Variants in MELTF observed in about 807,000 individuals in gnomAD.
The protein encoded by MELTF is melanotransferrin, also known as antigen p97 (melanoma associated) identified by monoclonal antibodies 133.2 and 96.5.
Under a neutral mutation model 83.7 loss-of-function variants are expected in MELTF, and 67 were observed. The observed-to-expected ratio is 0.80, with a 90% CI of 0.66 to 0.98. The LOEUF is 0.98. Ranked by LOEUF, MELTF falls within the 50% of genes least tolerant of loss-of-function variation. MELTF has a pLI of 0.00. For synonymous variants in MELTF, 462 were observed against 447.6 expected (o/e 1.03, Z -0.41); for missense variants, 1,002 against 1,035.6 (o/e 0.97, Z 0.44).
Position 197,024,522 on chromosome 3 carries a change from G to A in MELTF, c.305-37C>T. 6.6e-7 allele frequency: 1 copy of A among 1,525,140 alleles called. No individual in the cohort carries two copies. Among genetic ancestry groups the A allele is most frequent in the Non-Finnish European group, 8.9e-7 (1 of 1,127,696 alleles). The allele number at this position is 1,525,140 out of a possible 1,614,324, so 94.5% of individuals were successfully genotyped here. On this transcript the variant is annotated intron_variant, in intron 3 of 15. Coordinates refer to ENST00000296350, the MANE Select transcript of MELTF (RefSeq NM_005929.6). The surrounding 1 kb of genome is among the most constrained non-coding windows in gnomAD (Gnocchi z 5.3). Reference sequence around the variant, plus strand: ...GGGGAGTGGGTGAGGGCAGCAGGGAGAGGCCTCGAGAGAGGCTGCACCAGC... The same window carrying A: ...GGGGAGTGGGTGAGGGCAGCAGGGAAAGGCCTCGAGAGAGGCTGCACCAGC...
Position 197,024,320 on chromosome 3 carries a change from C to A in MELTF, c.470G>T (p.Gly157Val). The A allele has an allele frequency of 6.3e-7, 1 of 1,579,266 alleles. No homozygotes were observed. The highest frequency in any genetic ancestry group is 8.6e-7 in the Non-Finnish European group (1 of 1,158,428). The change falls in exon 4 of 16, where the codon GGC becomes GTC. Residue 157 changes from glycine (G) to valine (V), a missense_variant. Gly to Val is a moderately radical substitution (Grantham distance 109, BLOSUM62 -3). Transcript: ENST00000296350. This position sits in a 1 kb window ranked among gnomAD's most constrained non-coding sequence, Gnocchi z 5.3. ...GCCCTCACCTTTGAGTACATCGCAG[C>A]CCATCACCGAGAGGCGGCCGCTCTC... ...LVESGRLSVM[G>V]CDVLKAVSDY...
rs1290519805 is a variant in MELTF, at chr3:197,008,204, G to A, written c.1750+453C>T. ...ACCCCCTGTGTGGTATGTTGGGCGTGCCCTGCCTCGGTGTGGCTTGGGGGC... is the reference window on the plus strand; with the variant it reads ...ACCCCCTGTGTGGTATGTTGGGCGTACCCTGCCTCGGTGTGGCTTGGGGGC... On this transcript the variant is annotated intron_variant, in intron 13 of 15. Coordinates refer to ENST00000296350, the MANE Select transcript of MELTF (RefSeq NM_005929.6). The surrounding 1 kb of genome is among the most constrained non-coding windows in gnomAD (Gnocchi z 5.4). 6.6e-6 allele frequency among the ~76,000 whole-genome samples: 1 copy of A among 152,186 alleles called. No homozygotes were observed. The highest frequency in any genetic ancestry group is 1.5e-5 in the Non-Finnish European group (1 of 68,030).
rs1421204846 is a variant in MELTF at position 197,017,168 on chromosome 3, G to A, written c.835C>T (p.His279Tyr). The A allele has an allele frequency of 1.2e-6, 2 of 1,610,802 alleles. No individual in the cohort carries two copies. Among genetic ancestry groups the A allele is most frequent in the African/African-American group, 1.3e-5 (1 of 74,928 alleles). The part of the protein sequence containing the change: ...RQCHLARVPA[H>Y]AVVVRADTDG... ...GTGTCGGCCCGGACCACCACGGCGT[G>A]AGCAGGCACCCGGGCCAGATGGCAC... is the stretch of plus-strand genomic sequence containing the variant. The change falls in exon 7 of 16, where the codon CAC becomes TAC. Residue 279 changes from histidine to tyrosine, a missense_variant. Transcript: ENST00000296350.
In MELTF at chr3:197,003,321, C is replaced by T. The variant is rs556694856; in HGVS notation, c.*51G>A. On this transcript the variant is annotated 3_prime_UTR_variant, in exon 16 of 16. Coordinates refer to ENST00000296350, the MANE Select transcript of MELTF (RefSeq NM_005929.6). This position sits in a 1 kb window ranked among gnomAD's most constrained non-coding sequence, Gnocchi z 6.2. ...CTTCTGGATTCCAGCGCGAAGCCGCCGCGGAAACTCCCCGGGCGGGCATCG... is the reference window on the plus strand; with the variant it reads ...CTTCTGGATTCCAGCGCGAAGCCGCTGCGGAAACTCCCCGGGCGGGCATCG... 1.3e-5 allele frequency: 14 copies of T among 1,050,240 alleles called. No homozygotes were observed. The South Asian group carries it at 4.4e-4, about 33-fold the overall frequency. 65.1% of individuals were successfully genotyped at this position (1,050,240 alleles called of 1,614,324 possible). A position where few individuals can be genotyped will look rare whatever the true frequency, so the allele number is the denominator to read the frequency against.
rs1336281444 is a variant in MELTF at position 197,003,246 on chromosome 3, C to G, written c.*126G>C. ...TGGCGCCCGTGGGCGGCGGGGCTCC[C>G]GGGGAGGCGCCTGCTCCCGCCCACG... On this transcript the variant is annotated 3_prime_UTR_variant, in exon 16 of 16. Coordinates refer to ENST00000296350, the MANE Select transcript of MELTF (RefSeq NM_005929.6). This position sits in a 1 kb window ranked among gnomAD's most constrained non-coding sequence, Gnocchi z 6.2. The G allele has an allele frequency of 4.0e-6, 4 of 995,356 alleles. No individual in the cohort carries two copies. The highest frequency in any genetic ancestry group is 4.8e-6 in the Non-Finnish European group (4 of 831,924). The allele number at this position is 995,356 out of a possible 1,614,324, so 61.7% of individuals were successfully genotyped here.
intron 6 of MELTF, among the ~76,000 whole-genome samples, chr3:197,017,550 A>AT (rs1719431504): frequency 6.6e-6 from 1 of 152,254 alleles, no homozygotes; most frequent in Non-Finnish European, 1.5e-5. Flanking sequence ...TACAATACTT[A>AT]TAAATAACTA....
At chr3:197,005,117 G>T (rs957702951) in intron 14 of MELTF, among the ~76,000 whole-genome samples, 3 of 152,210 alleles carry the variant, frequency 2.0e-5, no homozygotes, top group Non-Finnish European at 2.9e-5. Context: ...GCATAAGTCG[G>T]GGGAGGGGGA....
chr3:197,023,387 C>T (rs747803264), intron 4 of MELTF, among the ~76,000 whole-genome samples: 1 of 152,230 alleles, frequency 6.6e-6, no homozygotes, highest in Non-Finnish European at 1.5e-5. Context: ...TGGGATAACT[C>T]AGTATCAGCC....
Position 197,003,747 on chromosome 3 carries a change from CTGG to C in MELTF, c.2137+151_2137+153del. The C allele has an allele frequency of 1.2e-6, 1 of 856,600 alleles. No individual in the cohort carries two copies. The highest frequency in any genetic ancestry group is 1.7e-5 in the South Asian group (1 of 57,646). The allele number at this position is 856,600 out of a possible 1,614,324, so 53.1% of individuals were successfully genotyped here. ...TCCCGCCCTCCCGGCCCGCAGCCTCCTGGCCAAAATCCTCCCGGGACACCCCAC... is the reference window on the plus strand; with the variant it reads ...TCCCGCCCTCCCGGCCCGCAGCCTCCCCAAAATCCTCCCGGGACACCCCAC... On this transcript the variant is annotated intron_variant, in intron 15 of 15. Transcript: ENST00000296350. The surrounding 1 kb of genome is among the most constrained non-coding windows in gnomAD (Gnocchi z 6.2).
intron 6 of MELTF, among the ~76,000 whole-genome samples, chr3:197,020,681 T>C (rs757335938): frequency 4.1e-4 from 63 of 152,046 alleles, no homozygotes; most frequent in Non-Finnish European, 8.1e-4. Context: ...TTTTTGTTGT[T>C]GTTTTTTAGA....
At chr3:197,023,159 A>T in intron 4 of MELTF, 46 bp from the exon 5 acceptor site, 1 of 1,600,180 alleles carries the variant, frequency 6.2e-7, no homozygotes, top group Non-Finnish European at 8.5e-7. Flanking sequence ...CTTTCTTCAG[A>T]GCCAAGCCAA....
intron 11 of MELTF, 69 bp from the exon 12 acceptor site, chr3:197,009,034 G>T: frequency 6.3e-7 from 1 of 1,576,330 alleles, no homozygotes; most frequent in Non-Finnish European, 8.7e-7. Flanking sequence ...TGGGCGGGCC[G>T]CTCCCCCACA....
Position 197,008,918 on chromosome 3 carries a change from T to A in MELTF, c.1573A>T (p.Lys525Ter). The A allele has an allele frequency of 6.2e-7, 1 of 1,614,040 alleles. No homozygotes were observed. The change falls in exon 12 of 16, where the codon AAG (lysine) becomes TAG (stop). Residue 525 changes from lysine (K) to a stop codon, truncating the protein, a stop_gained. Transcript: ENST00000296350. LOFTEE classifies it high-confidence loss of function. The surrounding 1 kb of genome is among the most constrained non-coding windows in gnomAD (Gnocchi z 5.4). ...GCACACAGCGAGGAGGGGTAGTTCTTGGGGTTGTTCACGGGCACGCAGCTG... is the reference window on the plus strand; with the variant it reads ...GCACACAGCGAGGAGGGGTAGTTCTAGGGGTTGTTCACGGGCACGCAGCTG... ...NASCVPVNNP[K>*]NYPSSLCALC... is the part of the protein sequence containing the mutation.
At position 197,007,950 on chromosome 3, in the gene MELTF, G is replaced by A. The variant is rs897676166; in HGVS notation, c.1750+707C>T. On this transcript the variant is annotated intron_variant, in intron 13 of 15. Transcript: ENST00000296350. This position sits in a 1 kb window ranked among gnomAD's most constrained non-coding sequence, Gnocchi z 4.3. ...AGCATTTGGGGTTTCAAAGCCTGGG[G>A]TGTAGGCAGGGTATGCAGACAGTAC... Among the ~76,000 whole-genome samples, 1 of 152,226 alleles carries A rather than the reference G, an allele frequency of 6.6e-6. No homozygotes were observed. The highest frequency in any genetic ancestry group is 2.4e-5 in the African/African-American group (1 of 41,452).
In MELTF at chr3:197,024,276, C is replaced by T. The variant is rs369636079; in HGVS notation, c.487+27G>A. ...AGGAAAGGAGGGGGAGGCCTGGGGA[C>T]CCTCCTGCCCAGCCCAAAGCCCTCA... is the stretch of plus-strand genomic sequence containing the variant. On this transcript the variant is annotated intron_variant, in intron 4 of 15. Coordinates refer to ENST00000296350, the MANE Select transcript of MELTF (RefSeq NM_005929.6). The surrounding 1 kb of genome is among the most constrained non-coding windows in gnomAD (Gnocchi z 5.3). 2 of 1,525,126 alleles carry T rather than the reference C, an allele frequency of 1.3e-6. No individual in the cohort carries two copies. The highest frequency in any genetic ancestry group is 1.8e-6 in the Non-Finnish European group (2 of 1,134,638). The allele number at this position is 1,525,126 out of a possible 1,614,324, so 94.5% of individuals were successfully genotyped here.
chr3:197,020,804 G>T (rs1286229724), intron 6 of MELTF, among the ~76,000 whole-genome samples: 1 of 152,010 alleles, frequency 6.6e-6, no homozygotes, highest in African/African-American at 2.4e-5. Flanking sequence ...AAGTAGCTGG[G>T]ATTTGAGGCA....
rs2108948475 is a variant in MELTF at position 197,003,261 on chromosome 3, T to C, written c.*111A>G. ...GCGGGGCTCCCGGGGAGGCGCCTGC[T>C]CCCGCCCACGCCGGGCCCGGCCTTC... On this transcript the variant is annotated 3_prime_UTR_variant, in exon 16 of 16. Transcript: ENST00000296350. The surrounding 1 kb of genome is among the most constrained non-coding windows in gnomAD (Gnocchi z 6.2). 1 of 1,004,714 alleles carries C rather than the reference T, an allele frequency of 1.0e-6. No individual in the cohort carries two copies. The highest frequency in any genetic ancestry group is 4.8e-4 in the Middle Eastern group (1 of 2,064). 62.2% of individuals were successfully genotyped at this position (1,004,714 alleles called of 1,614,324 possible).
At chr3:197,028,074 G>T (rs967075002) in intron 1 of MELTF, 164 bp from the exon 2 acceptor site, 2 of 761,482 alleles carry the variant, frequency 2.6e-6, no homozygotes, top group African/African-American at 1.7e-5. Context: ...AGAGACAGGG[G>T]AAGGGCTGGT....
chr3:197,012,880 A>G (rs1332590390), intron 9 of MELTF, among the ~76,000 whole-genome samples: 1 of 152,268 alleles, frequency 6.6e-6, no homozygotes, highest in Non-Finnish European at 1.5e-5. Flanking sequence ...AATAGAATAC[A>G]TTAGAAAATA....
Sources: allele counts gnomAD v4.1 joint callset (sites outside exome capture counted in the v4.1 genomes callset), GRCh38; gene constraint gnomAD v4.1.1; non-coding constraint Gnocchi (gnomAD v3.1); transcripts MANE v1.5; gene names NCBI Gene and HGNC (gene_info 2026-07-23, HGNC 2026-07-21).